Variants in LINGO2 observed in about 807,000 individuals in gnomAD.
LINGO2 encodes leucine-rich repeat and immunoglobulin-like domain-containing nogo receptor-interacting protein 2.
LINGO2 carries 14 observed loss-of-function variants against 30.6 expected under a neutral mutation model. The observed-to-expected ratio is 0.46, with a 90% CI of 0.30 to 0.72. The LOEUF (loss-of-function observed/expected upper bound fraction) is 0.72. Among genes scored for constraint, LINGO2 ranks in the 30% least tolerant of loss-of-function variants. The probability of loss-of-function intolerance (pLI) is 0.07; values close to 1 mark genes in which losing one functional copy is unlikely to be tolerated. For synonymous variants in LINGO2, 317 were observed against 288.5 expected, an observed-to-expected ratio of 1.10 and a Z score of -1.00; for missense variants, 729 against 751.7, an observed-to-expected ratio of 0.97 and a Z score of 0.35.
rs745850460 is a variant in LINGO2, at chr9:28,216,689, A to AT, written c.-87+78518dup. ...GGAATACAGTACATTATCTATTGGGATTTTTTCCCCCTAAATACAGCAAGG... is the reference window on the plus strand; with the variant it reads ...GGAATACAGTACATTATCTATTGGGATTTTTTTCCCCCTAAATACAGCAAGG... On this transcript the variant is annotated intron_variant, in intron 4 of 5. Coordinates refer to ENST00000379992, the Ensembl canonical transcript of LINGO2. Among the ~76,000 whole-genome samples, 12 of 151,750 alleles carry AT rather than the reference A, an allele frequency of 7.9e-5. 1 individual carries two copies. The highest frequency in any genetic ancestry group is 1.9e-4 in the East Asian group (1 of 5,182).
At chr9:28,274,583 G>C (rs765750058) in intron 4 of LINGO2, among the ~76,000 whole-genome samples, 19 of 152,052 alleles carry the variant, frequency 1.2e-4, no homozygotes, top group Non-Finnish European at 2.4e-4. Context: ...AACCCTCCAA[G>C]ACAAATTCAC....
chr9:28,179,440 A>G (rs1828843279), intron 4 of LINGO2, among the ~76,000 whole-genome samples: 1 of 138,490 alleles, frequency 7.2e-6, no homozygotes, highest in African/African-American at 2.6e-5. Flanking sequence ...TATACTATAT[A>G]TAGTATACAT....
At chr9:28,205,762 A>G (rs1410744854) in intron 4 of LINGO2, among the ~76,000 whole-genome samples, 1 of 152,184 alleles carries the variant, frequency 6.6e-6, no homozygotes, top group Non-Finnish European at 1.5e-5. Context: ...ATTACTCCTC[A>G]TCATTTTCTG....
chr9:29,151,120 GA>G, the LINGO2 span, among the ~76,000 whole-genome samples: 80 of 145,758 alleles, frequency 5.5e-4, no homozygotes, highest in South Asian at 5.4e-3. Flanking sequence ...GCATTGTTAT[GA>G]AAAAAAAAAA....
At chr9:27,988,175 C>T (rs1013575950) in intron 5 of LINGO2, among the ~76,000 whole-genome samples, 4 of 152,016 alleles carry the variant, frequency 2.6e-5, no homozygotes, top group Admixed American at 6.6e-5. Context: ...CTACAAAGGA[C>T]ATGAACTCAT....
chr9:28,884,970 TAA>T, the LINGO2 span, among the ~76,000 whole-genome samples: 2 of 51,078 alleles, frequency 3.9e-5, no homozygotes, highest in African/African-American at 8.6e-5. Flanking sequence ...TTTATATATA[TAA>T]TATATATAAT....
chr9:28,272,300 A>C (rs887159234), intron 4 of LINGO2, among the ~76,000 whole-genome samples: 2 of 152,072 alleles, frequency 1.3e-5, no homozygotes, highest in African/African-American at 4.8e-5. Flanking sequence ...TGCACTTAGC[A>C]TAAAATCAAG....
chr9:28,931,949 A>G, the LINGO2 span, among the ~76,000 whole-genome samples: 1 of 151,494 alleles, frequency 6.6e-6, no homozygotes, highest in Non-Finnish European at 1.5e-5. Context: ...CTCTACTAAA[A>G]ATACAAAAAT....
chr9:28,825,536 T>C, the LINGO2 span, among the ~76,000 whole-genome samples: 1 of 151,474 alleles, frequency 6.6e-6, no homozygotes, highest in African/African-American at 2.4e-5. Context: ...CTGAGTTTCC[T>C]GATTTCTGTA....
the LINGO2 span, among the ~76,000 whole-genome samples, chr9:28,914,142 C>CCCAT: frequency 6.6e-6 from 1 of 152,098 alleles, no homozygotes; most frequent in Admixed American, 6.6e-5. Flanking sequence ...AACCCATTAG[C>CCCAT]TACAATACAA....
At chr9:28,511,968 T>C (rs1410887661) in intron 1 of LINGO2, among the ~76,000 whole-genome samples, 1 of 152,166 alleles carries the variant, frequency 6.6e-6, no homozygotes. Flanking sequence ...TAGTCTTCTC[T>C]TCCTCTGTCA....
rs34169188 is a variant in LINGO2 at position 28,206,164 on chromosome 9, C to CAA, written c.-87+89042_-87+89043dup. On this transcript the variant is annotated intron_variant, in intron 4 of 5. Coordinates refer to ENST00000379992, the Ensembl canonical transcript of LINGO2. Reference sequence around the variant, plus strand: ...TGAGTGACAGAGTGAGACCCTGTTTCAAAAAAAAAAAAAAAAAAAAAAAAA... The same window carrying CAA: ...TGAGTGACAGAGTGAGACCCTGTTTCAAAAAAAAAAAAAAAAAAAAAAAAAAA... Among the ~76,000 whole-genome samples the CAA allele has an allele frequency of 1.7e-3, 125 of 73,518 alleles. 2 individuals carry two copies. Among genetic ancestry groups the CAA allele is most frequent in the African/African-American group, 6.3e-3 (110 of 17,522 alleles). 48.2% of individuals were successfully genotyped at this position (73,518 alleles called of 152,430 possible).
At chr9:28,360,176 T>A (rs1301176164) in intron 3 of LINGO2, among the ~76,000 whole-genome samples, 1 of 152,224 alleles carries the variant, frequency 6.6e-6, no homozygotes, top group Non-Finnish European at 1.5e-5. Context: ...TATAATGTAT[T>A]ATTTTATTAA....
the LINGO2 span, among the ~76,000 whole-genome samples, chr9:28,845,797 A>T: frequency 6.6e-6 from 1 of 151,704 alleles, no homozygotes; most frequent in African/African-American, 2.4e-5. Context: ...AAAAAATAAA[A>T]TGTTTTAGAT....
chr9:28,021,445 TCAG>T (rs1217531086), intron 4 of LINGO2, among the ~76,000 whole-genome samples: 5 of 152,142 alleles, frequency 3.3e-5, no homozygotes, highest in African/African-American at 1.2e-4. Flanking sequence ...CACGTGAGTA[TCAG>T]AAGAATGTAT....
the LINGO2 span, among the ~76,000 whole-genome samples, chr9:28,863,068 A>G: frequency 6.6e-6 from 1 of 152,086 alleles, no homozygotes; most frequent in Admixed American, 6.6e-5. Flanking sequence ...TGAATACCTA[A>G]TTTTAATATA....
At chr9:28,159,244 G>A (rs771828233) in intron 4 of LINGO2, among the ~76,000 whole-genome samples, 4 of 151,952 alleles carry the variant, frequency 2.6e-5, no homozygotes, top group East Asian at 1.9e-4. Context: ...ACTATTTTCC[G>A]CAAGTATCAT....
At chr9:28,768,917 A>G in the LINGO2 span, among the ~76,000 whole-genome samples, 1 of 152,080 alleles carries the variant, frequency 6.6e-6, no homozygotes, top group African/African-American at 2.4e-5. Context: ...GCAGCAGAAT[A>G]ATAATACTAT....
chr9:28,211,428 A>G (rs1165828290), intron 4 of LINGO2, among the ~76,000 whole-genome samples: 1 of 151,190 alleles, frequency 6.6e-6, no homozygotes, highest in Non-Finnish European at 1.5e-5. Context: ...TTAAAGGTGT[A>G]CTGCCATGGT....
Sources: gnomAD v4.1 joint callset for allele counts (sites outside exome capture counted in the v4.1 genomes callset) on GRCh38, gnomAD v4.1.1 for gene constraint, MANE v1.5 for transcripts, NCBI Gene and HGNC (gene_info 2026-07-23, HGNC 2026-07-21) for gene names.